METAP1D: variants seen among roughly 807,000 people sequenced by gnomAD.
The protein encoded by METAP1D is methionyl aminopeptidase type 1D, mitochondrial.
Under a neutral mutation model 40.5 loss-of-function variants are expected in METAP1D, and 31 were observed. That is an observed-to-expected ratio of 0.77 (90% CI 0.58 to 1.03). The LOEUF (loss-of-function observed/expected upper bound fraction) is 1.03, where lower values mean the gene tolerates loss of function less well. METAP1D is among the 50% of genes least tolerant of loss of function. The pLI is 0.00. For synonymous variants in METAP1D, 151 were observed against 146.4 expected, an observed-to-expected ratio of 1.03 and a Z score of -0.22; for missense variants, 411 against 420.7, an observed-to-expected ratio of 0.98 and a Z score of 0.20.
intron 6 of METAP1D, among the ~76,000 whole-genome samples, chr2:172,074,090 T>C (rs767582988): frequency 2.0e-5 from 3 of 152,240 alleles, no homozygotes; most frequent in Non-Finnish European, 4.4e-5. Context: ...CTAGACTCAC[T>C]GTATCTCCAT....
chr2:172,020,481 A>G (rs535402739), intron 1 of METAP1D, among the ~76,000 whole-genome samples: 13 of 152,332 alleles, frequency 8.5e-5, no homozygotes, highest in South Asian at 2.1e-4. Flanking sequence ...AGAGTAAGGT[A>G]GATAAGTAGA....
At chr2:172,028,117 C>T (rs918472224) in intron 1 of METAP1D, among the ~76,000 whole-genome samples, 4 of 152,130 alleles carry the variant, frequency 2.6e-5, no homozygotes, top group Non-Finnish European at 4.4e-5. Flanking sequence ...GAGAAACGTG[C>T]GTTTAGGGAA....
At chr2:172,039,351 G>A (rs1262895105) in intron 1 of METAP1D, among the ~76,000 whole-genome samples, 1 of 152,190 alleles carries the variant, frequency 6.6e-6, no homozygotes, top group Non-Finnish European at 1.5e-5. Context: ...CACTTCAGGA[G>A]TTTGACTTGT....
At chr2:172,051,671 G>C (rs1389864707) in intron 1 of METAP1D, among the ~76,000 whole-genome samples, 1 of 152,128 alleles carries the variant, frequency 6.6e-6, no homozygotes, top group Non-Finnish European at 1.5e-5. Flanking sequence ...TCAGGCTGCT[G>C]CCCTTCCTCT....
chr2:172,007,411 T>C (rs937084126), intron 1 of METAP1D, among the ~76,000 whole-genome samples: 1 of 152,198 alleles, frequency 6.6e-6, no homozygotes, highest in African/African-American at 2.4e-5. Context: ...TTCTTTAACA[T>C]ATGTTTTAAA....
intron 3 of METAP1D, among the ~76,000 whole-genome samples, chr2:172,065,390 A>G (rs963878580): frequency 1.3e-5 from 2 of 152,204 alleles, no homozygotes; most frequent in African/African-American, 2.4e-5. Flanking sequence ...CTATTTCCTA[A>G]TGGTCCATAA....
intron 4 of METAP1D, 25 bp from the exon 5 acceptor site, chr2:172,066,239 A>AT (rs562211136): frequency 7.6e-4 from 1,182 of 1,558,162 alleles, no homozygotes; most frequent in Admixed American, 1.0e-3. Flanking sequence ...GTCTATCACC[A>AT]TTTTTTTTTC....
intron 4 of METAP1D, 126 bp downstream of exon 4, chr2:172,065,878 G>T: frequency 9.7e-7 from 1 of 1,030,234 alleles, no homozygotes; most frequent in South Asian, 1.8e-5. Context: ...AATTGATTAT[G>T]ATAAAACAGA....
In METAP1D at chr2:172,079,381, C is replaced by T. The variant is rs1275530606; in HGVS notation, c.850+119C>T. The T allele has an allele frequency of 4.5e-5, 40 of 879,752 alleles. 1 individual carries two copies. The highest frequency in any genetic ancestry group is 1.7e-4 in the East Asian group (7 of 40,070). The allele number at this position is 879,752 out of a possible 1,614,324, so 54.5% of individuals were successfully genotyped here. On this transcript the variant is annotated intron_variant, in intron 8 of 9. Transcript: ENST00000315796. The stretch of plus-strand genomic sequence containing the variant: ...AGCCAATCAGTGTAATGAAATAATT[C>T]GGATGCACTGGAAATCTGATTAAAT...
Position 172,043,306 on chromosome 2 carries a change from TC to T in METAP1D, c.41-18190del, listed in dbSNP as rs1280012393. Among the ~76,000 whole-genome samples, 5 of 132,374 alleles carry T rather than the reference TC, an allele frequency of 3.8e-5. 2 individuals are homozygous for T. The highest frequency in any genetic ancestry group is 8.7e-5 in the Non-Finnish European group (5 of 57,146). The allele number at this position is 132,374 out of a possible 152,430, so 86.8% of individuals were successfully genotyped here. On this transcript the variant is annotated intron_variant, in intron 1 of 9. Transcript: ENST00000315796. ...ATTGGAACTTCACTTGGTTTGCACT[TC>T]CAACACCTGTTAGTTTATCCAGTCA...
intron 1 of METAP1D, among the ~76,000 whole-genome samples, chr2:172,038,401 TTGAC>T (rs1689442886): frequency 6.6e-6 from 1 of 152,076 alleles, no homozygotes; most frequent in Non-Finnish European, 1.5e-5. Context: ...GCTTAGATCA[TTGAC>T]TACCTGAACA....
At chr2:172,054,276 C>T (rs1365436021) in intron 1 of METAP1D, among the ~76,000 whole-genome samples, 1 of 152,098 alleles carries the variant, frequency 6.6e-6, no homozygotes, top group Non-Finnish European at 1.5e-5. Context: ...AATCCCAGCA[C>T]TTTGGGAGGC....
chr2:172,046,746 T>G (rs1263329877), intron 1 of METAP1D, among the ~76,000 whole-genome samples: 4 of 152,228 alleles, frequency 2.6e-5, no homozygotes, highest in Non-Finnish European at 5.9e-5. Flanking sequence ...AAAATTTGTT[T>G]GACATTTTTA....
At chr2:172,077,191 G>T (rs1405610772) in intron 6 of METAP1D, among the ~76,000 whole-genome samples, 2 of 152,200 alleles carry the variant, frequency 1.3e-5, no homozygotes, top group Admixed American at 6.5e-5. Flanking sequence ...TGCAGGTCTT[G>T]AATGGAACTC....
In METAP1D at chr2:172,079,268, T is replaced by C; in HGVS notation, c.850+6T>C. The C allele has an allele frequency of 6.2e-7, 1 of 1,614,126 alleles. No homozygotes were observed. Among genetic ancestry groups the C allele is most frequent in the South Asian group, 1.1e-5 (1 of 91,084 alleles). ...GGGCATGGCATTCACTATAGGTAAA[T>C]TGAGCTCCTCTTCCGAGTGAGTGCG... On this transcript the variant is annotated splice_donor_region_variant and intron_variant, in intron 8 of 9. Transcript: ENST00000315796.
chr2:172,035,153 TTTTTG>T (rs1462421837), intron 1 of METAP1D, among the ~76,000 whole-genome samples: 1 of 116,208 alleles, frequency 8.6e-6, no homozygotes, highest in Non-Finnish European at 2.1e-5. Flanking sequence ...CTGTGTTTTT[TTTTTG>T]TTTGTTTGTT....
At chr2:172,015,694 T>C (rs1688837365) in intron 1 of METAP1D, among the ~76,000 whole-genome samples, 1 of 152,166 alleles carries the variant, frequency 6.6e-6, no homozygotes, top group South Asian at 2.1e-4. Context: ...ACATGGTGGC[T>C]CACACTTGTA....
intron 1 of METAP1D, among the ~76,000 whole-genome samples, chr2:172,021,061 G>T (rs1441214439): frequency 6.6e-6 from 1 of 151,572 alleles, no homozygotes; most frequent in African/African-American, 2.4e-5. Context: ...AAATTGTTTT[G>T]TACTTGTCTA....
intron 1 of METAP1D, among the ~76,000 whole-genome samples, chr2:172,059,792 C>T (rs982170339): frequency 2.0e-5 from 3 of 152,246 alleles, no homozygotes; most frequent in East Asian, 3.9e-4. Flanking sequence ...TGGCTACGCC[C>T]GTAATCCCAG....
Sources: allele counts gnomAD v4.1 joint callset (sites outside exome capture counted in the v4.1 genomes callset), GRCh38; gene constraint gnomAD v4.1.1; transcripts MANE v1.5; gene names NCBI Gene and HGNC (gene_info 2026-07-23, HGNC 2026-07-21).